The following EDRF1 variants were observed in gnomAD, a reference collection of about 807,000 sequenced individuals.
The protein encoded by EDRF1 is erythroid differentiation regulatory factor 1, also known as erythroid differentiation-related factor 1.
A neutral mutation model predicts 148.7 loss-of-function variants in EDRF1; 69 were observed. That is an observed-to-expected ratio of 0.46 (90% CI 0.38 to 0.57). The LOEUF (loss-of-function observed/expected upper bound fraction) is 0.57, where lower values mean the gene tolerates loss of function less well. Ranked by LOEUF, EDRF1 falls within the 20% of genes least tolerant of loss-of-function variation. The pLI is 0.00. For missense variants in EDRF1, 1,118 were observed against 1,478.7 expected, an observed-to-expected ratio of 0.76 and a Z score of 4.00; for synonymous variants, 515 against 532.8, an observed-to-expected ratio of 0.97 and a Z score of 0.46.
At chr10:125,744,362 T>G (rs898222195) in intron 18 of EDRF1, among the ~76,000 whole-genome samples, 1 of 152,094 alleles carries the variant, frequency 6.6e-6, no homozygotes, top group Non-Finnish European at 1.5e-5. Flanking sequence ...TTTAAAAATT[T>G]TTTTAGAGAT....
intron 22 of EDRF1, among the ~76,000 whole-genome samples, chr10:125,750,237 C>G (rs1023442648): frequency 4.6e-5 from 7 of 152,068 alleles, no homozygotes; most frequent in Non-Finnish European, 7.4e-5. Flanking sequence ...TTATTGAACC[C>G]CTTAAACATA....
chr10:125,725,187 T>C, intron 4 of EDRF1, 131 bp from the exon 5 acceptor site: 1 of 1,109,374 alleles, frequency 9.0e-7, no homozygotes, highest in South Asian at 1.4e-5. Flanking sequence ...CCCAGAAAGA[T>C]ATGTTTTTAA....
intron 18 of EDRF1, among the ~76,000 whole-genome samples, chr10:125,744,409 C>T (rs1191982121): frequency 1.3e-5 from 2 of 152,114 alleles, no homozygotes; most frequent in Non-Finnish European, 1.5e-5. Context: ...GTCTCGGACT[C>T]CTGGCCTCAG....
intron 24 of EDRF1, among the ~76,000 whole-genome samples, chr10:125,762,717 T>C (rs1850246616): frequency 6.6e-6 from 1 of 152,090 alleles, no homozygotes; most frequent in Non-Finnish European, 1.5e-5. Context: ...GATGCAGCAG[T>C]TCTTGTAATT....
Position 125,734,083 on chromosome 10 carries a change from A to G in EDRF1, c.1397A>G (p.Asn466Ser). 1.2e-6 allele frequency: 2 copies of G among 1,612,910 alleles called. No individual in the cohort carries two copies. The highest frequency in any genetic ancestry group is 1.7e-6 in the Non-Finnish European group (2 of 1,179,018). Residue 466 changes from asparagine to serine, a missense_variant, in exon 12 of 25, where the codon AAC becomes AGC. Asn to Ser is a conservative substitution (Grantham distance 46, BLOSUM62 1). Transcript: ENST00000356792. ...VAILLYKVAC[N>S]MMMKKNQNKK... Reference sequence around the variant, plus strand: ...AACTCTTTTTTTAGGGTTGCTTGCAACATGATGATGAAGAAGAATCAAAAT... The same window carrying G: ...AACTCTTTTTTTAGGGTTGCTTGCAGCATGATGATGAAGAAGAATCAAAAT...
chr10:125,760,068 G>A (rs1303319064), intron 24 of EDRF1, among the ~76,000 whole-genome samples: 3 of 152,204 alleles, frequency 2.0e-5, no homozygotes, highest in African/African-American at 2.4e-5. Flanking sequence ...ACACAGCAGC[G>A]GGTGTTGATA....
rs906862951 is a variant in EDRF1, at chr10:125,721,127, C to G, written c.109-77C>G. On this transcript the variant is annotated intron_variant, in intron 1 of 24. Coordinates refer to ENST00000356792, the MANE Select transcript of EDRF1 (RefSeq NM_001202438.2). ...CTTGTGAAGCCTGGTGTGACAGGTT[C>G]TTGTTTTCTTTTTATAAAGGTGAGA... 142 of 1,417,522 alleles carry G rather than the reference C, an allele frequency of 1.0e-4. 1 individual carries two copies. The highest frequency in any genetic ancestry group is 3.2e-4 in the South Asian group (28 of 86,796). 87.8% of individuals were successfully genotyped at this position (1,417,522 alleles called of 1,614,324 possible). A position where few individuals can be genotyped will look rare whatever the true frequency, so the allele number is the denominator to read the frequency against.
In EDRF1 at chr10:125,730,485, C is replaced by G. The variant is rs188234716; in HGVS notation, c.1128+86C>G. 7.6e-3 allele frequency: 8,103 copies of G among 1,066,204 alleles called. 40 individuals are homozygous for G. Among genetic ancestry groups the G allele is most frequent in the Non-Finnish European group, 0.01 (6,895 of 683,606 alleles). The allele number at this position is 1,066,204 out of a possible 1,614,324, so 66.0% of individuals were successfully genotyped here. ...CCAAAGTCTTTACGGCCCTGAAGTACTAAGGTGCATTTTTGCCAGGGAAGA... is the reference window on the plus strand; with the variant it reads ...CCAAAGTCTTTACGGCCCTGAAGTAGTAAGGTGCATTTTTGCCAGGGAAGA... On this transcript the variant is annotated intron_variant, in intron 9 of 24. Coordinates refer to ENST00000356792, the MANE Select transcript of EDRF1 (RefSeq NM_001202438.2).
intron 6 of EDRF1, among the ~76,000 whole-genome samples, chr10:125,726,972 C>G (rs145338052): frequency 6.6e-6 from 1 of 152,188 alleles, no homozygotes; most frequent in Non-Finnish European, 1.5e-5. Flanking sequence ...TGTAGACTTG[C>G]GTGTTGAGGA....
At chr10:125,740,925 G>A in intron 16 of EDRF1, 76 bp from the exon 17 acceptor site, 2 of 1,463,944 alleles carry the variant, frequency 1.4e-6, no homozygotes, top group Non-Finnish European at 1.9e-6. Context: ...TGGTAACACA[G>A]TTTCTTCATA....
At chr10:125,749,006 CTT>C (rs1398950663) in intron 21 of EDRF1, 4 of 264,372 alleles carry the variant, frequency 1.5e-5, no homozygotes, top group Non-Finnish European at 3.0e-5. Context: ...AATCCCAGCA[CTT>C]TGGGAGCCGA....
intron 24 of EDRF1, among the ~76,000 whole-genome samples, chr10:125,762,926 T>C (rs1850254491): frequency 6.6e-6 from 1 of 152,146 alleles, no homozygotes; most frequent in South Asian, 2.1e-4. Flanking sequence ...ACTCTCTTGT[T>C]TACTATGGTT....
intron 9 of EDRF1, among the ~76,000 whole-genome samples, chr10:125,730,793 A>G (rs1240860754): frequency 6.6e-6 from 1 of 152,226 alleles, no homozygotes; most frequent in Non-Finnish European, 1.5e-5. Context: ...TGGATAGCTT[A>G]TATAGCAAAT....
chr10:125,733,296 A>G, intron 9 of EDRF1, 108 bp from the exon 10 acceptor site: 1 of 841,742 alleles, frequency 1.2e-6, no homozygotes, highest in African/African-American at 1.7e-5. Context: ...TTCATGCTAC[A>G]TAGGTCTCTG....
chr10:125,735,040 G>T (rs911558738), intron 12 of EDRF1, among the ~76,000 whole-genome samples: 1 of 152,178 alleles, frequency 6.6e-6, no homozygotes, highest in Non-Finnish European at 1.5e-5. Flanking sequence ...GCAGTGTTTA[G>T]TGGAACTTGA....
chr10:125,729,223 A>G, intron 7 of EDRF1, 119 bp downstream of exon 7: 1 of 1,451,906 alleles, frequency 6.9e-7, no homozygotes, highest in Non-Finnish European at 9.4e-7. Context: ...ACTGCTTTCT[A>G]AGCATCTTTG....
At chr10:125,754,456 C>T (rs923807016) in intron 24 of EDRF1, among the ~76,000 whole-genome samples, 6 of 152,138 alleles carry the variant, frequency 3.9e-5, no homozygotes, top group African/African-American at 7.2e-5. Flanking sequence ...TGAAGATCTG[C>T]GTTTCTAGTG....
At chr10:125,733,590 T>C in intron 10 of EDRF1, 39 bp downstream of exon 10, 1 of 1,609,830 alleles carries the variant, frequency 6.2e-7, no homozygotes, top group Non-Finnish European at 8.5e-7. Context: ...AATAATTGAT[T>C]TGGGTAACTG....
intron 22 of EDRF1, chr10:125,751,774 T>TA (rs1431422112): frequency 2.6e-5 from 4 of 152,228 alleles, no homozygotes; most frequent in African/African-American, 9.7e-5. Flanking sequence ...CTGTTCTGCT[T>TA]ACAGCCACAA....
Sources: allele counts gnomAD v4.1 joint callset (sites outside exome capture counted in the v4.1 genomes callset), GRCh38; gene constraint gnomAD v4.1.1; transcripts MANE v1.5; gene names NCBI Gene and HGNC (gene_info 2026-07-23, HGNC 2026-07-21).